The following DHX30 variants were observed in gnomAD, a reference collection of about 807,000 sequenced individuals.
The protein encoded by DHX30 is ATP-dependent RNA helicase DHX30.
Under a neutral mutation model 116.9 loss-of-function variants are expected in DHX30, and 4 were observed. That is an observed-to-expected ratio of 0.03 (90% confidence interval 0.02 to 0.08). The LOEUF is 0.08. Ranked by LOEUF, DHX30 falls within the 10% of genes least tolerant of loss-of-function variation. The probability of loss-of-function intolerance (pLI) is 1.00; values close to 1 mark genes in which losing one functional copy is unlikely to be tolerated. For synonymous variants in DHX30, 697 were observed against 651.7 expected (o/e 1.07, Z -1.06); for missense variants, 871 against 1,595.1 (o/e 0.55, Z 7.73).
At chr3:47,828,280 T>C (rs1232585116) in intron 5 of DHX30, among the ~76,000 whole-genome samples, 1 of 149,464 alleles carries the variant, frequency 6.7e-6, no homozygotes, top group Non-Finnish European at 1.5e-5. Context: ...GGCAACATAG[T>C]GAGACCCCAT....
chr3:47,808,688 G>C (rs899857207), intron 2 of DHX30, among the ~76,000 whole-genome samples: 2 of 151,290 alleles, frequency 1.3e-5, no homozygotes, highest in African/African-American at 2.4e-5. Context: ...CGATTCTCCT[G>C]CCTCAGTCCC....
chr3:47,849,397 C>T lies in DHX30; in HGVS notation c.3087+48C>T, dbSNP rs74880698. The T allele has an allele frequency of 2.5e-3, 3,904 of 1,584,794 alleles. 17 individuals are homozygous for T. Among genetic ancestry groups the T allele is most frequent in the Non-Finnish European group, 3.1e-3 (3,546 of 1,162,310 alleles). On this transcript the variant is annotated intron_variant, in intron 19 of 21. Coordinates refer to ENST00000445061, the MANE Select transcript of DHX30 (RefSeq NM_138615.3). The stretch of plus-strand genomic sequence containing the variant: ...GAGTTCACCAGGTCCCAGCCTCCTT[C>T]CCTGTCTGCAGCTCCTTGCTCAGCC...
At chr3:47,829,343 G>GTT (rs539815717) in intron 6 of DHX30, among the ~76,000 whole-genome samples, 1 of 69,532 alleles carries the variant, frequency 1.4e-5, no homozygotes. Flanking sequence ...TGTGTTTTTG[G>GTT]TTTTTTTTTT....
intron 2 of DHX30, among the ~76,000 whole-genome samples, chr3:47,806,744 C>G (rs942042636): frequency 6.6e-6 from 1 of 151,878 alleles, no homozygotes; most frequent in African/African-American, 2.4e-5. Flanking sequence ...TGCGCTCAGG[C>G]GTGCCTGGCC....
intron 7 of DHX30, 32 bp from the exon 8 acceptor site, chr3:47,841,585 A>G (rs201501006): frequency 9.0e-5 from 145 of 1,613,708 alleles, no homozygotes; most frequent in Admixed American, 1.7e-5. Flanking sequence ...AGGAAGAGAG[A>G]ATTCTTTCAG....
chr3:47,815,818 G>C (rs2036028798), intron 3 of DHX30: 1 of 561,600 alleles, frequency 1.8e-6, no homozygotes, highest in Non-Finnish European at 2.2e-6. Flanking sequence ...GCAAGAATGT[G>C]CATTTTCTCT....
intron 3 of DHX30, chr3:47,816,397 G>A: frequency 2.1e-6 from 2 of 972,980 alleles, no homozygotes; most frequent in Non-Finnish European, 2.4e-6. Flanking sequence ...CTTGTTCTGT[G>A]GCCAGGCTGG....
At chr3:47,826,636 GAGGTTTCACA>G (rs2036567254) in intron 4 of DHX30, among the ~76,000 whole-genome samples, 1 of 152,044 alleles carries the variant, frequency 6.6e-6, no homozygotes, top group African/African-American at 2.4e-5. Context: ...TAGTAGAGAC[GAGGTTTCACA>G]AGGTTTCACT....
chr3:47,817,529 A>G (rs537241529), intron 3 of DHX30, among the ~76,000 whole-genome samples: 67 of 152,204 alleles, frequency 4.4e-4, no homozygotes, highest in Middle Eastern at 3.2e-3. Context: ...CTGGACCCAC[A>G]TAGTCCAGTC....
chr3:47,839,867 G>A (rs544162808), intron 6 of DHX30, among the ~76,000 whole-genome samples: 3 of 151,802 alleles, frequency 2.0e-5, no homozygotes, highest in Admixed American at 1.3e-4. Context: ...GGAGGATGGG[G>A]TTTCGCCATG....
chr3:47,816,486 T>A (rs2036064614), intron 3 of DHX30: 1 of 946,426 alleles, frequency 1.1e-6, no homozygotes, highest in Admixed American at 6.2e-5. Flanking sequence ...GCCTCCTGAG[T>A]AGCTGGGACT....
intron 3 of DHX30, among the ~76,000 whole-genome samples, chr3:47,814,135 C>G (rs116761962): frequency 1.3e-5 from 2 of 151,534 alleles, no homozygotes; most frequent in African/African-American, 4.9e-5. Flanking sequence ...ATAAAAATCA[C>G]GATCCTCAGC....
In DHX30 at chr3:47,825,317, G is replaced by T. The variant is rs560177926; in HGVS notation, c.125-2030G>T. ...CCTGGGATGGCAGAGCTAGGGGCGC[G>T]GGCCGAAATCGGGCCTGGCGGCCGG... On this transcript the variant is annotated intron_variant, in intron 4 of 21. Transcript: ENST00000445061. The T allele has an allele frequency of 3.3e-5, 18 of 537,412 alleles. No homozygotes were observed. The South Asian group carries it at 3.9e-4, about 12-fold the overall frequency. The allele number at this position is 537,412 out of a possible 1,614,324, so 33.3% of individuals were successfully genotyped here.
intron 4 of DHX30, chr3:47,825,286 T>G: frequency 1.8e-6 from 1 of 559,488 alleles, no homozygotes; most frequent in Non-Finnish European, 3.1e-6. Context: ...CGCAGCGCCC[T>G]TGACTCCTGG....
chr3:47,848,979 C>T lies in DHX30; in HGVS notation c.2829C>T (p.Val943=), dbSNP rs772530838. 49 of 1,613,320 alleles carry T rather than the reference C, an allele frequency of 3.0e-5. No homozygotes were observed. The highest frequency in any genetic ancestry group is 3.7e-5 in the Non-Finnish European group (44 of 1,179,734). ...GSDHLAFVRA[V]AGWEEVLRWQ... is the part of the protein sequence containing the mutation. ...ACCACCTGGCCTTTGTGCGGGCTGT[C>T]GCCGGCTGGGAGGAGGTGCTGCGTT... Residue 943 remains valine (V), a synonymous_variant, in exon 18 of 22, where the codon GTC becomes GTT. Coordinates refer to ENST00000445061, the MANE Select transcript of DHX30 (RefSeq NM_138615.3). The surrounding 1 kb of genome is among the most constrained non-coding windows in gnomAD (Gnocchi z 9.4).
intron 6 of DHX30, among the ~76,000 whole-genome samples, chr3:47,836,186 C>T (rs559318339): frequency 8.5e-5 from 13 of 152,196 alleles, no homozygotes; most frequent in African/African-American, 2.2e-4. Flanking sequence ...GGTGCAATGG[C>T]GTGATCTTGG....
At chr3:47,803,410 C>CG in intron 1 of DHX30, among the ~76,000 whole-genome samples, 198 bp downstream of exon 1, 1 of 152,056 alleles carries the variant, frequency 6.6e-6, no homozygotes, top group Non-Finnish European at 1.5e-5. Flanking sequence ...CGTGGGCAGC[C>CG]AGGCCTCGGC....
intron 6 of DHX30, among the ~76,000 whole-genome samples, chr3:47,837,534 G>A (rs866237679): frequency 3.9e-5 from 6 of 152,250 alleles, no homozygotes; most frequent in Admixed American, 6.5e-5. Context: ...AGGCTGAGGC[G>A]GGTGGATCAC....
chr3:47,839,727 G>A (rs1219149459), intron 6 of DHX30, among the ~76,000 whole-genome samples: 1 of 152,122 alleles, frequency 6.6e-6, no homozygotes, highest in Non-Finnish European at 1.5e-5. Context: ...CCAGGCTGGA[G>A]TGCAGCAGCC....
Sources: gnomAD v4.1 joint callset for allele counts (sites outside exome capture counted in the v4.1 genomes callset) on GRCh38, gnomAD v4.1.1 for gene constraint, Gnocchi (gnomAD v3.1) non-coding constraint, MANE v1.5 for transcripts, NCBI Gene and HGNC (gene_info 2026-07-23, HGNC 2026-07-21) for gene names.